CACNB4: variants seen among roughly 807,000 people sequenced by gnomAD.
CACNB4 encodes the protein calcium voltage-gated channel auxiliary subunit beta 4.
In CACNB4, 32 loss-of-function variants were observed where a neutral mutation model predicts 71.2. That is an observed-to-expected ratio of 0.45 (90% CI 0.34 to 0.60). The LOEUF (loss-of-function observed/expected upper bound fraction) is 0.60. CACNB4 is among the 20% of genes least tolerant of loss of function. The pLI, the probability that CACNB4 is intolerant of heterozygous loss-of-function variation, is 0.01. For synonymous variants in CACNB4, 231 were observed against 236.9 expected (o/e 0.97, Z 0.23); for missense variants, 464 against 647.9 (o/e 0.72, Z 3.08).
At chr2:151,973,939 A>G in intron 2 of CACNB4, 1 of 1,298,104 alleles carries the variant, frequency 7.7e-7, no homozygotes, top group Non-Finnish European at 9.8e-7. Flanking sequence ...AATACAGAGC[A>G]CAAAAAGCAA....
At chr2:151,971,735 T>C (rs1390232925) in intron 2 of CACNB4, 1 of 644,470 alleles carries the variant, frequency 1.6e-6, no homozygotes, top group Non-Finnish European at 2.8e-6. Flanking sequence ...CAAATGAGCA[T>C]TCAGAGTCAG....
chr2:152,036,802 T>C (rs947890796), intron 2 of CACNB4, among the ~76,000 whole-genome samples: 2 of 152,288 alleles, frequency 1.3e-5, no homozygotes, highest in Non-Finnish European at 1.5e-5. Flanking sequence ...CCTTGGACCA[T>C]GGCTGGAGGA....
rs1688370371 is a variant in CACNB4, at chr2:152,098,087, G to C, written c.147+243C>G. Reference sequence around the variant, plus strand: ...CCCTGACTTAAGCCAGGTCCCCACCGAACTGTCCACACACATGCACAAACT... The same window carrying C: ...CCCTGACTTAAGCCAGGTCCCCACCCAACTGTCCACACACATGCACAAACT... On this transcript the variant is annotated intron_variant, in intron 2 of 13. Coordinates refer to ENST00000539935, the MANE Select transcript of CACNB4 (RefSeq NM_000726.5). The surrounding 1 kb of genome is among the most constrained non-coding windows in gnomAD (Gnocchi z 5.3). Among the ~76,000 whole-genome samples the C allele has an allele frequency of 6.6e-6, 1 of 152,216 alleles. No homozygotes were observed. Among genetic ancestry groups the C allele is most frequent in the African/African-American group, 2.4e-5 (1 of 41,452 alleles).
Position 152,065,624 on chromosome 2 carries a change from C to T in CACNB4, c.147+32706G>A, listed in dbSNP as rs955825823. ...CTATAGTGTTTAACTTTCCTACATT[C>T]TACTTGGAAAGTAACAGCAAGCAGA... On this transcript the variant is annotated intron_variant, in intron 2 of 13. Transcript: ENST00000539935. Among the ~76,000 whole-genome samples the T allele has an allele frequency of 3.9e-5, 6 of 152,198 alleles. No individual in the cohort carries two copies. In the East Asian group the frequency reaches 9.6e-4, roughly 24 times the overall value.
chr2:151,970,659 C>T (rs2099872278), intron 2 of CACNB4: 1 of 152,170 alleles, frequency 6.6e-6, no homozygotes, highest in South Asian at 2.1e-4. Flanking sequence ...GTAGAATAGG[C>T]AGCTCTTATA....
intron 2 of CACNB4, among the ~76,000 whole-genome samples, chr2:151,994,568 G>A (rs1357763790): frequency 1.3e-5 from 2 of 152,062 alleles, no homozygotes; most frequent in African/African-American, 4.8e-5. Context: ...CTGGAGTGCA[G>A]TGGTACAATC....
intron 2 of CACNB4, among the ~76,000 whole-genome samples, chr2:151,947,057 A>G (rs1313120421): frequency 6.6e-6 from 1 of 152,164 alleles, no homozygotes; most frequent in Non-Finnish European, 1.5e-5. Context: ...CATTCTGTGT[A>G]TGGTCAATGT....
At chr2:151,999,712 T>C (rs1560120845) in intron 2 of CACNB4, among the ~76,000 whole-genome samples, 1 of 152,166 alleles carries the variant, frequency 6.6e-6, no homozygotes, top group Non-Finnish European at 1.5e-5. Context: ...TCATTTTGTT[T>C]AGGTACCAAG....
At chr2:152,001,049 C>T (rs972799250) in intron 2 of CACNB4, among the ~76,000 whole-genome samples, 1 of 152,162 alleles carries the variant, frequency 6.6e-6, no homozygotes, top group African/African-American at 2.4e-5. Context: ...CAAATCTCAC[C>T]GAATCTTTTC....
intron 2 of CACNB4, among the ~76,000 whole-genome samples, chr2:152,094,834 G>A (rs1688180903): frequency 6.6e-6 from 1 of 152,182 alleles, no homozygotes. Context: ...TAAATAGCCT[G>A]TAAGAAGGGC....
At chr2:152,074,542 C>T (rs1454767831) in intron 2 of CACNB4, among the ~76,000 whole-genome samples, 1 of 151,468 alleles carries the variant, frequency 6.6e-6, no homozygotes. Flanking sequence ...CCACCAGCAG[C>T]ACCACCACAA....
At chr2:152,051,846 T>C (rs564898873) in intron 2 of CACNB4, among the ~76,000 whole-genome samples, 98 of 152,346 alleles carry the variant, frequency 6.4e-4, no homozygotes, top group African/African-American at 2.3e-3. Context: ...TCACTAACCG[T>C]TCTGTCTCTC....
Position 151,870,669 on chromosome 2 carries a change from C to T in CACNB4, c.619-58G>A, listed in dbSNP as rs2099844395. The T allele has an allele frequency of 2.9e-6, 4 of 1,374,290 alleles. No individual in the cohort carries two copies. The African/African-American group carries it at 4.3e-5, about 15-fold the overall frequency. 85.1% of individuals were successfully genotyped at this position (1,374,290 alleles called of 1,614,324 possible). ...TGAGGTTGAGCATGCCTCTCCACAG[C>T]CACAACATTCATAATTTCATAATTC... On this transcript the variant is annotated intron_variant, in intron 7 of 13. Transcript: ENST00000539935.
intron 2 of CACNB4, among the ~76,000 whole-genome samples, chr2:152,097,009 C>A (rs935160966): frequency 6.6e-6 from 1 of 152,086 alleles, no homozygotes; most frequent in Non-Finnish European, 1.5e-5. Flanking sequence ...TTAAGATAAA[C>A]AATATGTTTG....
chr2:152,072,574 A>G (rs1686757866), intron 2 of CACNB4, among the ~76,000 whole-genome samples: 3 of 152,164 alleles, frequency 2.0e-5, no homozygotes, highest in Non-Finnish European at 4.4e-5. Flanking sequence ...TTCACTGGTA[A>G]TATCTCAAAC....
chr2:151,984,993 A>G (rs925253762), intron 2 of CACNB4, among the ~76,000 whole-genome samples: 4 of 152,082 alleles, frequency 2.6e-5, no homozygotes, highest in Admixed American at 2.0e-4. Flanking sequence ...CGATTCCCCA[A>G]TTTATGAGAT....
intron 2 of CACNB4, among the ~76,000 whole-genome samples, chr2:151,902,032 CTT>C (rs70974804): frequency 2.2e-4 from 29 of 130,220 alleles, no homozygotes; most frequent in African/African-American, 7.2e-4. Context: ...ACAACATCAC[CTT>C]TTTTTTTTTT....
intron 2 of CACNB4, among the ~76,000 whole-genome samples, chr2:152,038,559 A>G (rs1684714523): frequency 6.6e-6 from 1 of 152,264 alleles, no homozygotes; most frequent in Non-Finnish European, 1.5e-5. Flanking sequence ...CTGGAGGCAC[A>G]GAAGAGGAAA....
At chr2:152,042,276 C>T (rs1208760221) in intron 2 of CACNB4, among the ~76,000 whole-genome samples, 5 of 152,206 alleles carry the variant, frequency 3.3e-5, no homozygotes, top group Non-Finnish European at 7.4e-5. Flanking sequence ...CTCCTCTTCC[C>T]GCATAACCCT....
Sources: gnomAD v4.1 joint callset for allele counts (sites outside exome capture counted in the v4.1 genomes callset) on GRCh38, gnomAD v4.1.1 for gene constraint, Gnocchi (gnomAD v3.1) non-coding constraint, MANE v1.5 for transcripts, NCBI Gene and HGNC (gene_info 2026-07-23, HGNC 2026-07-21) for gene names.